The following CECR2 variants were observed in gnomAD, a reference collection of about 807,000 sequenced individuals.
The protein encoded by CECR2 is chromatin remodeling regulator CECR2.
A neutral mutation model predicts 154.5 loss-of-function variants in CECR2; 30 were observed. The observed-to-expected ratio is 0.19, with a 90% CI of 0.15 to 0.26. CECR2 has a LOEUF of 0.26. Among genes scored for constraint, CECR2 ranks in the 10% least tolerant of loss-of-function variants. The pLI is 1.00. For synonymous variants in CECR2, 725 were observed against 683.7 expected (o/e 1.06, Z -0.94); for missense variants, 1,743 against 1,829.3 (o/e 0.95, Z 0.86).
intron 1 of CECR2, among the ~76,000 whole-genome samples, chr22:17,469,093 A>G (rs1199685972): frequency 6.7e-6 from 1 of 149,878 alleles, no homozygotes; most frequent in East Asian, 2.0e-4. Context: ...TTTATGTACA[A>G]TTTCAGTGTG....
chr22:17,472,971 C>T (rs927981858), intron 1 of CECR2, among the ~76,000 whole-genome samples: 15 of 152,070 alleles, frequency 9.9e-5, no homozygotes, highest in African/African-American at 2.2e-4. Context: ...TGCTTGTTCC[C>T]GCTGCTGTGA....
intron 1 of CECR2, among the ~76,000 whole-genome samples, chr22:17,398,737 C>T (rs1294385222): frequency 6.6e-6 from 1 of 152,168 alleles, no homozygotes; most frequent in African/African-American, 2.4e-5. Context: ...ATTGTGCCAA[C>T]TTATAAATTG....
At chr22:17,391,222 C>T (rs1252032635) in intron 1 of CECR2, among the ~76,000 whole-genome samples, 1 of 152,176 alleles carries the variant, frequency 6.6e-6, no homozygotes, top group Non-Finnish European at 1.5e-5. Context: ...ACTGAAATAT[C>T]CTCAGTTGTC....
intron 1 of CECR2, among the ~76,000 whole-genome samples, chr22:17,388,491 G>A (rs528046133): frequency 6.6e-6 from 1 of 152,306 alleles, no homozygotes; most frequent in Non-Finnish European, 1.5e-5. Context: ...TCAGGAAAAT[G>A]CGGAGGCATT....
At chr22:17,514,359 A>G (rs1404731456) in intron 8 of CECR2, among the ~76,000 whole-genome samples, 4 of 152,136 alleles carry the variant, frequency 2.6e-5, no homozygotes, top group East Asian at 1.9e-4. Context: ...AGGGCACAGC[A>G]TGTTGGGCAT....
chr22:17,374,428 C>G (rs2063095036), intron 1 of CECR2, among the ~76,000 whole-genome samples: 2 of 152,190 alleles, frequency 1.3e-5, no homozygotes, highest in Non-Finnish European at 2.9e-5. Context: ...GTACATCCAT[C>G]ATATCAGTGG....
chr22:17,517,450 C>T (rs1231024516), intron 8 of CECR2, among the ~76,000 whole-genome samples: 1 of 152,166 alleles, frequency 6.6e-6, no homozygotes, highest in Non-Finnish European at 1.5e-5. Flanking sequence ...ATCATTTCTA[C>T]CACTGATACC....
Position 17,402,060 on chromosome 22 carries a change from T to G in CECR2, c.126+32151T>G, listed in dbSNP as rs975541654. 2.6e-5 allele frequency among the ~76,000 whole-genome samples: 4 copies of G among 152,174 alleles called. No individual in the cohort carries two copies. In the East Asian group the frequency reaches 7.7e-4, roughly 29 times the overall value. ...GTGCAGTAGCGCAGTCTCAGCTCAC[T>G]GCAAGCTCCGCCTCCCAGATTCAAG... On this transcript the variant is annotated intron_variant, in intron 1 of 18. Coordinates refer to ENST00000262608, the MANE Select transcript of CECR2 (RefSeq NM_001290047.2).
chr22:17,478,352 ATT>A (rs56010603), intron 2 of CECR2, among the ~76,000 whole-genome samples: 74 of 118,956 alleles, frequency 6.2e-4, no homozygotes, highest in African/African-American at 2.0e-3. Flanking sequence ...ATGGTATCAA[ATT>A]TTTTTTTTTT....
chr22:17,464,534 T>C (rs1299816453), intron 1 of CECR2, among the ~76,000 whole-genome samples: 2 of 152,146 alleles, frequency 1.3e-5, no homozygotes, highest in African/African-American at 4.8e-5. Context: ...CTTCTCTGCT[T>C]GGTCGTTCAG....
intron 1 of CECR2, among the ~76,000 whole-genome samples, chr22:17,390,216 C>G (rs1233508772): frequency 6.6e-6 from 1 of 151,990 alleles, no homozygotes; most frequent in Non-Finnish European, 1.5e-5. Context: ...TTTTGGAAGA[C>G]TAAAAGCCAT....
chr22:17,402,082 C>A (rs5746362), intron 1 of CECR2, among the ~76,000 whole-genome samples: 55,344 of 151,948 alleles, frequency 0.36, 10,151 homozygotes, highest in Non-Finnish European at 0.4. Context: ...CTCCCAGATT[C>A]AAGTGATTCT....
Position 17,538,692 on chromosome 22 carries a change from G to T in CECR2, c.1329G>T (p.Val443=). The stretch of plus-strand genomic sequence containing the variant: ...ATTCCTGGCCCTTCTTGGAACCTGT[G>T]GATGAATCTTATGCCCCTAACTATT... ...HKDSWPFLEP[V]DESYAPNYYQ... Residue 443 remains valine, a synonymous_variant, in exon 12 of 19, where the codon GTG becomes GTT. Coordinates refer to ENST00000262608, the MANE Select transcript of CECR2 (RefSeq NM_001290047.2). 6.2e-7 allele frequency: 1 copy of T among 1,613,952 alleles called. No individual in the cohort carries two copies. Among genetic ancestry groups the T allele is most frequent in the Non-Finnish European group, 8.5e-7 (1 of 1,179,880 alleles).
intron 2 of CECR2, among the ~76,000 whole-genome samples, chr22:17,495,851 G>A (rs2055616478): frequency 9.8e-6 from 1 of 101,858 alleles, no homozygotes; most frequent in African/African-American, 4.0e-5. Flanking sequence ...GACAGAGCAA[G>A]ACTCTGTCTC....
intron 1 of CECR2, among the ~76,000 whole-genome samples, chr22:17,429,560 AGAAAAGAAAAG>A (rs2054389603): frequency 6.7e-6 from 1 of 150,174 alleles, no homozygotes; most frequent in African/African-American, 2.5e-5. Flanking sequence ...ACAAAAACAA[AGAAAAGAAAAG>A]AAAAAAGAGA....
At chr22:17,545,010 T>G (rs976443110) in intron 16 of CECR2, among the ~76,000 whole-genome samples, 1 of 151,974 alleles carries the variant, frequency 6.6e-6, no homozygotes. Flanking sequence ...TTTCTGTTCC[T>G]TGGATACATA....
intron 2 of CECR2, among the ~76,000 whole-genome samples, chr22:17,487,172 A>G (rs750222814): frequency 5.9e-5 from 9 of 152,102 alleles, no homozygotes; most frequent in Non-Finnish European, 8.8e-5. Flanking sequence ...TTTTTCTTCT[A>G]TATTCTCCCT....
At chr22:17,505,056 C>T in intron 7 of CECR2, 40 bp downstream of exon 7, 1 of 1,580,824 alleles carries the variant, frequency 6.3e-7, no homozygotes, top group Non-Finnish European at 8.6e-7. Flanking sequence ...CAGTGTTAGG[C>T]CTGATGCTGC....
intron 1 of CECR2, among the ~76,000 whole-genome samples, chr22:17,394,028 C>G (rs1228034236): frequency 6.6e-6 from 1 of 151,500 alleles, no homozygotes; most frequent in Admixed American, 6.6e-5. Context: ...GCTGGGATTA[C>G]AGGCATGCAG....
Sources: allele counts gnomAD v4.1 joint callset (sites outside exome capture counted in the v4.1 genomes callset), GRCh38; gene constraint gnomAD v4.1.1; transcripts MANE v1.5; gene names NCBI Gene and HGNC (gene_info 2026-07-23, HGNC 2026-07-21).